The following GABRB3 variants were observed in gnomAD, a reference collection of about 807,000 sequenced individuals.
GABRB3 encodes the protein gamma-aminobutyric acid type A receptor subunit beta3.
In GABRB3, 14 loss-of-function variants were observed where a neutral mutation model predicts 52.1. That is an observed-to-expected ratio of 0.27 (90% confidence interval 0.18 to 0.42). The LOEUF (loss-of-function observed/expected upper bound fraction) is 0.42, where lower values mean the gene tolerates loss of function less well. Ranked by LOEUF, GABRB3 falls within the 10% of genes least tolerant of loss-of-function variation. GABRB3 has a pLI of 1.00. For synonymous variants in GABRB3, 260 were observed against 232.3 expected (o/e 1.12, Z -1.08); for missense variants, 307 against 609.1 (o/e 0.50, Z 5.22).
At chr15:26,713,389 G>A (rs1488414178) in intron 3 of GABRB3, among the ~76,000 whole-genome samples, 1 of 152,154 alleles carries the variant, frequency 6.6e-6, no homozygotes, top group Non-Finnish European at 1.5e-5. Context: ...GCAGAGAGTG[G>A]ACGCACAGGA....
chr15:26,617,693 G>A (rs1209756730), intron 4 of GABRB3, among the ~76,000 whole-genome samples: 2 of 151,804 alleles, frequency 1.3e-5, no homozygotes, highest in South Asian at 2.1e-4. Flanking sequence ...GGAAATAAAG[G>A]GTATTCAATT....
chr15:26,703,957 T>C (rs1018476244), intron 3 of GABRB3, among the ~76,000 whole-genome samples: 8 of 152,160 alleles, frequency 5.3e-5, no homozygotes, highest in African/African-American at 1.7e-4. Flanking sequence ...CGTTGCATAT[T>C]GATGGCTCTA....
chr15:26,624,360 C>A, intron 3 of GABRB3: 1 of 985,494 alleles, frequency 1.0e-6, no homozygotes, highest in Non-Finnish European at 1.2e-6. Context: ...TCACTTGTTT[C>A]TTTCTTTACT....
chr15:26,626,299 C>G (rs1892689499), intron 3 of GABRB3, among the ~76,000 whole-genome samples: 2 of 152,186 alleles, frequency 1.3e-5, no homozygotes, highest in African/African-American at 2.4e-5. Context: ...ATCTCTCCCT[C>G]TCCTTGGGCC....
intron 3 of GABRB3, among the ~76,000 whole-genome samples, chr15:26,697,291 T>G (rs534468052): frequency 6.6e-4 from 100 of 152,358 alleles, no homozygotes; most frequent in Admixed American, 1.2e-3. Flanking sequence ...AATGTGATTT[T>G]CCTTTGAATG....
At chr15:26,559,916 T>G (rs1486337241) in intron 8 of GABRB3, among the ~76,000 whole-genome samples, 1 of 152,188 alleles carries the variant, frequency 6.6e-6, no homozygotes, top group East Asian at 1.9e-4. Flanking sequence ...CCTTGTGCAT[T>G]CCTTTTGGAC....
At chr15:26,651,974 C>G (rs1887210717) in intron 3 of GABRB3, among the ~76,000 whole-genome samples, 1 of 152,130 alleles carries the variant, frequency 6.6e-6, no homozygotes. Context: ...TAGGCCTTTC[C>G]CAGATCTAGG....
intron 4 of GABRB3, among the ~76,000 whole-genome samples, chr15:26,592,036 C>T (rs1891227989): frequency 6.6e-6 from 1 of 152,088 alleles, no homozygotes; most frequent in Non-Finnish European, 1.5e-5. Flanking sequence ...CCTCAGAGAA[C>T]ATGACTCCCT....
chr15:26,546,426 A>G lies in GABRB3; in HGVS notation c.*1367T>C, dbSNP rs1168673054. 1.3e-5 allele frequency: 2 copies of G among 152,638 alleles called. No individual in the cohort carries two copies. Among genetic ancestry groups the G allele is most frequent in the East Asian group, 3.9e-4 (2 of 5,162 alleles). 9.5% of individuals were successfully genotyped at this position (152,638 alleles called of 1,614,324 possible). A position where few individuals can be genotyped will look rare whatever the true frequency, so the allele number is the denominator to read the frequency against. On this transcript the variant is annotated 3_prime_UTR_variant, in exon 9 of 9. Transcript: ENST00000311550. ...AGTCCAAATACTGATGAGGCTGTGG[A>G]TCAGAAGGAACCAACAGTGACTGTG... is the stretch of plus-strand genomic sequence containing the variant.
intron 3 of GABRB3, among the ~76,000 whole-genome samples, chr15:26,720,082 A>C (rs1445811482): frequency 3.9e-5 from 6 of 152,144 alleles, no homozygotes; most frequent in Admixed American, 2.0e-4. Context: ...ACCTTGTGAA[A>C]TTCTTTCTCC....
chr15:26,660,175 A>C (rs1290103056), intron 3 of GABRB3, among the ~76,000 whole-genome samples: 1 of 151,668 alleles, frequency 6.6e-6, no homozygotes, highest in African/African-American at 2.4e-5. Flanking sequence ...GGTTGCGGTG[A>C]GTCGAGATCA....
intron 3 of GABRB3, among the ~76,000 whole-genome samples, chr15:26,730,012 A>T (rs1566821741): frequency 6.6e-6 from 1 of 152,252 alleles, no homozygotes; most frequent in Admixed American, 6.5e-5. Flanking sequence ...TGCTGAACTC[A>T]TAAATGGCCT....
intron 3 of GABRB3, among the ~76,000 whole-genome samples, chr15:26,753,240 A>T (rs74004668): frequency 0.017 from 2,557 of 152,180 alleles, 84 homozygotes; most frequent in African/African-American, 0.058. Flanking sequence ...TTCACGACAC[A>T]CATCAAGCGG....
rs1387838469 is a variant in GABRB3, at chr15:26,547,912, G to C, written c.1303C>G (p.Leu435Val). The change falls in exon 9 of 9, where the codon CTC becomes GTC. Residue 435 changes from leucine (L) to valine (V), a missense_variant. Physicochemically the swap from Leu to Val is conservative, Grantham distance 32. Transcript: ENST00000311550. ...KTHLRRRSSQ[L>V]KIKIPDLTDV... ...GTTAGATCAGGTATTTTAATTTTGA[G>C]CTGTGAAGACCTCCTCCGTAGATGG... is the stretch of plus-strand genomic sequence containing the variant. The C allele has an allele frequency of 6.2e-7, 1 of 1,614,040 alleles. No homozygotes were observed. The highest frequency in any genetic ancestry group is 1.3e-5 in the African/African-American group (1 of 74,914).
At chr15:26,718,410 T>C (rs867065114) in intron 3 of GABRB3, among the ~76,000 whole-genome samples, 1 of 152,178 alleles carries the variant, frequency 6.6e-6, no homozygotes, top group African/African-American at 2.4e-5. Context: ...GGTTTCTCCA[T>C]GTGGGTCAGG....
intron 4 of GABRB3, among the ~76,000 whole-genome samples, chr15:26,603,706 T>C (rs954980552): frequency 2.6e-5 from 4 of 152,092 alleles, no homozygotes; most frequent in African/African-American, 7.2e-5. Flanking sequence ...TAAAAAATCA[T>C]TGCATAAAAT....
chr15:26,705,234 G>A (rs1889061265), intron 3 of GABRB3, among the ~76,000 whole-genome samples: 1 of 152,182 alleles, frequency 6.6e-6, no homozygotes, highest in Non-Finnish European at 1.5e-5. Context: ...ATTGCAAAAG[G>A]CAGAAGGGTA....
chr15:26,652,065 T>C (rs1887214333), intron 3 of GABRB3, among the ~76,000 whole-genome samples: 2 of 152,186 alleles, frequency 1.3e-5, no homozygotes, highest in Non-Finnish European at 2.9e-5. Context: ...CTGCCACCTA[T>C]GAGCCTTCCT....
chr15:26,773,123 G>A, upstream of GABRB3: 1 of 627,904 alleles, frequency 1.6e-6, no homozygotes, highest in Non-Finnish European at 2.0e-6. Context: ...GCGGGCGCTG[G>A]GAGAGGAAGG....
Sources: allele counts gnomAD v4.1 joint callset (sites outside exome capture counted in the v4.1 genomes callset), GRCh38; gene constraint gnomAD v4.1.1; transcripts MANE v1.5; gene names NCBI Gene and HGNC (gene_info 2026-07-23, HGNC 2026-07-21).